Variants in FBXL2 observed in about 807,000 individuals in gnomAD.
FBXL2 encodes the protein F-box and leucine rich repeat protein 2, also known as F-box/LRR-repeat protein 2.
In FBXL2, 38 loss-of-function variants were observed where a neutral mutation model predicts 69.2. The ratio of observed to expected loss-of-function variants is 0.55; its 90% CI spans 0.42 to 0.72. The LOEUF (loss-of-function observed/expected upper bound fraction) is 0.72. FBXL2 is among the 30% of genes least tolerant of loss of function. The probability of loss-of-function intolerance (pLI) is 0.00; values close to 1 mark genes in which losing one functional copy is unlikely to be tolerated. For synonymous variants in FBXL2, 192 were observed against 201.3 expected (o/e 0.95, Z 0.39); for missense variants, 354 against 520.3 (o/e 0.68, Z 3.11).
At chr3:33,377,550 G>C (rs2042725188) in intron 11 of FBXL2, among the ~76,000 whole-genome samples, 1 of 152,166 alleles carries the variant, frequency 6.6e-6, no homozygotes. Flanking sequence ...CCTCACGCGT[G>C]GTCAAGTGGG....
intron 2 of FBXL2, chr3:33,303,223 C>A (rs2036438793): frequency 2.9e-5 from 13 of 453,720 alleles, no homozygotes; most frequent in South Asian, 2.0e-4. Context: ...GCAGATTTTC[C>A]CTCTTTGCCG....
intron 13 of FBXL2, among the ~76,000 whole-genome samples, chr3:33,379,842 A>G (rs2042911375): frequency 6.6e-6 from 1 of 152,208 alleles, no homozygotes. Context: ...ACACAAGTGT[A>G]GTTTAATATT....
the FBXL2 span, chr3:33,409,681 T>C: frequency 6.5e-7 from 1 of 1,535,520 alleles, no homozygotes; most frequent in Non-Finnish European, 8.9e-7. Flanking sequence ...TTGAGTGACC[T>C]GACACCACTA....
intron 12 of FBXL2, chr3:33,397,144 G>A (rs748002314): frequency 1.3e-5 from 20 of 1,565,762 alleles, no homozygotes; most frequent in East Asian, 9.0e-5. Context: ...ACCTAGAGAA[G>A]AGCAAAAATA....
intron 2 of FBXL2, chr3:33,303,084 G>C (rs1469842518): frequency 2.2e-6 from 1 of 456,646 alleles, no homozygotes; most frequent in Non-Finnish European, 4.4e-6. Flanking sequence ...CACTCCATGG[G>C]CTTTTTAAAG....
At chr3:33,399,639 A>G (rs1306290214) in intron 12 of FBXL2, among the ~76,000 whole-genome samples, 1 of 152,200 alleles carries the variant, frequency 6.6e-6, no homozygotes, top group Non-Finnish European at 1.5e-5. Flanking sequence ...GCCAAGGACT[A>G]GGGATGGTGG....
At chr3:33,394,431 CA>C (rs976335993) in intron 12 of FBXL2, among the ~76,000 whole-genome samples, 61 of 151,958 alleles carry the variant, frequency 4.0e-4, no homozygotes, top group Admixed American at 6.6e-4. Context: ...CCCTCCCCCA[CA>C]AAAAATTTTA....
At chr3:33,357,825 A>G (rs908373256) in intron 2 of FBXL2, among the ~76,000 whole-genome samples, 10 of 152,174 alleles carry the variant, frequency 6.6e-5, no homozygotes, top group African/African-American at 2.2e-4. Context: ...CACCGCGCCC[A>G]GCCAAGATCC....
intron 13 of FBXL2, among the ~76,000 whole-genome samples, chr3:33,380,489 G>A (rs1268014984): frequency 2.6e-5 from 4 of 150,984 alleles, no homozygotes; most frequent in African/African-American, 9.8e-5. Context: ...AACTGGGAGG[G>A]GGAGATTGCT....
chr3:33,315,377 C>G (rs148098317), intron 2 of FBXL2, among the ~76,000 whole-genome samples: 1 of 148,834 alleles, frequency 6.7e-6, no homozygotes, highest in Non-Finnish European at 1.5e-5. Flanking sequence ...GATATGGTGT[C>G]ACTTTCTTGA....
intron 2 of FBXL2, among the ~76,000 whole-genome samples, chr3:33,342,558 C>G (rs56312334): frequency 0.38 from 57,258 of 151,044 alleles, 11,819 homozygotes; most frequent in East Asian, 0.59. Flanking sequence ...AACCAACACT[C>G]TAAGCATTTT....
chr3:33,314,335 C>G (rs1051400869), intron 2 of FBXL2, among the ~76,000 whole-genome samples: 1 of 152,176 alleles, frequency 6.6e-6, no homozygotes, highest in African/African-American at 2.4e-5. Flanking sequence ...CCCCTGCTTT[C>G]CCAGCCCCTA....
At chr3:33,320,584 G>A (rs1279725516) in intron 2 of FBXL2, among the ~76,000 whole-genome samples, 3 of 151,776 alleles carry the variant, frequency 2.0e-5, no homozygotes, top group Admixed American at 1.3e-4. Context: ...AGGTTCAGGC[G>A]ATTCTCCTGC....
intron 2 of FBXL2, among the ~76,000 whole-genome samples, chr3:33,350,870 G>T (rs1280052266): frequency 2.0e-5 from 3 of 152,224 alleles, no homozygotes; most frequent in Non-Finnish European, 4.4e-5. Context: ...GAAAAGAAAA[G>T]ATATACATTG....
chr3:33,364,305 G>T, intron 4 of FBXL2: 3 of 311,704 alleles, frequency 9.6e-6, no homozygotes, highest in Non-Finnish European at 1.2e-5. Flanking sequence ...TGGTGGAATA[G>T]CTGTGACCTG....
intron 2 of FBXL2, among the ~76,000 whole-genome samples, chr3:33,324,746 A>T (rs1033023557): frequency 2.0e-5 from 3 of 152,132 alleles, no homozygotes; most frequent in African/African-American, 4.8e-5. Flanking sequence ...TGATGCCTCC[A>T]GCTTTGTTCT....
chr3:33,321,072 G>A (rs996907801), intron 2 of FBXL2, among the ~76,000 whole-genome samples: 1 of 151,996 alleles, frequency 6.6e-6, no homozygotes. Flanking sequence ...CACTTTGGGA[G>A]GCCGAGGCAG....
chr3:33,317,524 A>G (rs1158835976), intron 2 of FBXL2: 1 of 456,546 alleles, frequency 2.2e-6, no homozygotes, highest in African/African-American at 2.0e-5. Context: ...TGTAAAAAGG[A>G]AGAATGGAAG....
chr3:33,400,804 C>T (rs958909738), intron 12 of FBXL2, among the ~76,000 whole-genome samples: 1 of 152,166 alleles, frequency 6.6e-6, no homozygotes, highest in Admixed American at 6.5e-5. Flanking sequence ...ATGTACTCTA[C>T]TCAGGTGATG....
Sources: gnomAD v4.1 joint callset for allele counts (sites outside exome capture counted in the v4.1 genomes callset) on GRCh38, gnomAD v4.1.1 for gene constraint, MANE v1.5 for transcripts, NCBI Gene and HGNC (gene_info 2026-07-23, HGNC 2026-07-21) for gene names.